Variants in C17orf99 observed in about 807,000 individuals in gnomAD.
The protein encoded by C17orf99 is protein IL-40.
Under a neutral mutation model 22.6 loss-of-function variants are expected in C17orf99, and 18 were observed. That is an observed-to-expected ratio of 0.80 (90% CI 0.55 to 1.18). The LOEUF (loss-of-function observed/expected upper bound fraction) is 1.18. C17orf99 is among the 50% of genes most tolerant of loss of function. The pLI is 0.00. For synonymous variants in C17orf99, 147 were observed against 136.6 expected (o/e 1.08, Z -0.53); for missense variants, 328 against 342.7 (o/e 0.96, Z 0.34).
At chr17:78,156,498 G>A (rs2075526456) in intron 2 of C17orf99, among the ~76,000 whole-genome samples, 1 of 152,110 alleles carries the variant, frequency 6.6e-6, no homozygotes, top group Admixed American at 6.6e-5. Flanking sequence ...GTGAAGGCCT[G>A]CTGGAATGCG....
At position 78,146,428 on chromosome 17, in the gene C17orf99, C is replaced by G; in HGVS notation, c.21C>G (p.Phe7Leu). Residue 7 changes from phenylalanine (F) to leucine (L), a missense_variant, in exon 1 of 5, where the codon TTC (phenylalanine) becomes TTG (leucine). By Grantham distance (22) the Phe-to-Leu change is conservative. Coordinates refer to ENST00000340363, the MANE Select transcript of C17orf99 (RefSeq NM_001163075.2). This position sits in a 1 kb window ranked among gnomAD's most constrained non-coding sequence, Gnocchi z 5.2. ...GAGGCATGGGGCTCCCTGGGCTGTTCTGCTTGGCCGTGCTGGGTGAGTCCA... is the reference window on the plus strand; with the variant it reads ...GAGGCATGGGGCTCCCTGGGCTGTTGTGCTTGGCCGTGCTGGGTGAGTCCA... MGLPGL[F>L]CLAVLAASSF... 6.5e-7 allele frequency: 1 copy of G among 1,550,314 alleles called. No individual in the cohort carries two copies. Among genetic ancestry groups the G allele is most frequent in the Non-Finnish European group, 8.7e-7 (1 of 1,146,826 alleles).
At chr17:78,164,574 C>T (rs747229066) in intron 4 of C17orf99, 1 of 1,530,458 alleles carries the variant, frequency 6.5e-7, no homozygotes, top group South Asian at 1.2e-5. Context: ...AGGAGGGTTG[C>T]CCAGGGCACC....
intron 2 of C17orf99, chr17:78,158,098 C>A (rs1567820156): frequency 5.2e-6 from 5 of 953,840 alleles, no homozygotes; most frequent in Non-Finnish European, 6.6e-6. Context: ...ATGAGGGAGA[C>A]CTTGGCAAAG....
At chr17:78,165,348 C>A in intron 4 of C17orf99, 1 of 985,670 alleles carries the variant, frequency 1.0e-6, no homozygotes, top group Non-Finnish European at 1.2e-6. Context: ...CTCACTTCTA[C>A]CAAGTCTGTT....
chr17:78,160,666 C>CGTA, intron 2 of C17orf99: 1 of 356,172 alleles, frequency 2.8e-6, no homozygotes, highest in Non-Finnish European at 5.1e-6. Flanking sequence ...CACCTGCCAC[C>CGTA]TCCGCCTTCC....
intron 2 of C17orf99, among the ~76,000 whole-genome samples, chr17:78,149,374 T>TG (rs2075461495): frequency 6.8e-6 from 1 of 146,494 alleles, no homozygotes; most frequent in Admixed American, 6.8e-5. Flanking sequence ...CGCCAGTCCT[T>TG]GGCCCATCTG....
intron 3 of C17orf99, among the ~76,000 whole-genome samples, chr17:78,162,539 G>T (rs2075586260): frequency 6.6e-6 from 1 of 152,090 alleles, no homozygotes; most frequent in East Asian, 1.9e-4. Flanking sequence ...GGGGAGATGA[G>T]CCCAGGATCT....
intron 3 of C17orf99, among the ~76,000 whole-genome samples, chr17:78,162,879 A>C (rs1451345543): frequency 1.3e-5 from 2 of 152,142 alleles, no homozygotes; most frequent in Non-Finnish European, 2.9e-5. Context: ...TCCGCCTCCC[A>C]GATTCAAGCG....
chr17:78,164,612 C>T (rs1253292971), intron 4 of C17orf99: 2 of 1,512,886 alleles, frequency 1.3e-6, no homozygotes, highest in Admixed American at 2.0e-5. Context: ...GCAGCCTTGC[C>T]TCCACTGCGG....
chr17:78,146,230 C>T, upstream of C17orf99: 1 of 565,588 alleles, frequency 1.8e-6, no homozygotes, highest in Non-Finnish European at 3.1e-6. The surrounding 1 kb of genome is among the most constrained non-coding windows in gnomAD (Gnocchi z 5.2). Context: ...CTGTACCGGG[C>T]CTGCCGGGGC....
At chr17:78,160,922 C>A in intron 2 of C17orf99, 33 bp from the exon 3 acceptor site, 2 of 1,524,076 alleles carry the variant, frequency 1.3e-6, no homozygotes, top group Non-Finnish European at 8.9e-7. Flanking sequence ...ATGTCGGTTT[C>A]TTTCTTCCTC....
chr17:78,152,751 G>A (rs989007395), intron 2 of C17orf99, among the ~76,000 whole-genome samples: 2 of 151,468 alleles, frequency 1.3e-5, no homozygotes, highest in African/African-American at 4.9e-5. Flanking sequence ...GGGATTATAG[G>A]AGTGAGCCAC....
In C17orf99 at chr17:78,165,870, T is replaced by C; in HGVS notation, c.641-19T>C. 1 of 1,308,874 alleles carries C rather than the reference T, an allele frequency of 7.6e-7. No individual in the cohort carries two copies. The highest frequency in any genetic ancestry group is 9.9e-7 in the Non-Finnish European group (1 of 1,014,016). The allele number at this position is 1,308,874 out of a possible 1,614,324, so 81.1% of individuals were successfully genotyped here. On this transcript the variant is annotated intron_variant, in intron 4 of 4. Transcript: ENST00000340363. ...GGGAGGTGAGCCTGCCTGACTTGAG[T>C]CTCCACTGCTTTGTCAAGGTGGTGA...
At position 78,157,864 on chromosome 17, in the gene C17orf99, C is replaced by T. The variant is rs527712755; in HGVS notation, c.71-3091C>T. 31 of 1,057,660 alleles carry T rather than the reference C, an allele frequency of 2.9e-5. No homozygotes were observed. The African/African-American group carries it at 3.6e-4, about 12-fold the overall frequency. 65.5% of individuals were successfully genotyped at this position (1,057,660 alleles called of 1,614,324 possible). On this transcript the variant is annotated intron_variant, in intron 2 of 4. Coordinates refer to ENST00000340363, the MANE Select transcript of C17orf99 (RefSeq NM_001163075.2). ...TACTCAAAGGCCGGCCACGTAAGAT[C>T]GTCGAGATGTCTACTTCGATGACTG...
At chr17:78,145,608 G>A (rs771471955), upstream of C17orf99, among the ~76,000 whole-genome samples, 1 of 152,104 alleles carries the variant, frequency 6.6e-6, no homozygotes, top group African/African-American at 2.4e-5. Context: ...ACCATCATGG[G>A]TGGGGCTGCC....
intron 3 of C17orf99, among the ~76,000 whole-genome samples, chr17:78,163,328 C>T (rs944696275): frequency 5.9e-5 from 9 of 152,178 alleles, no homozygotes; most frequent in Non-Finnish European, 1.2e-4. Flanking sequence ...GTGGTGATTA[C>T]TCATCAGTAA....
chr17:78,164,918 C>T, intron 4 of C17orf99: 2 of 1,162,488 alleles, frequency 1.7e-6, no homozygotes, highest in Non-Finnish European at 2.1e-6. Context: ...CCCTGTAACA[C>T]AGTCTGCTGG....
intron 2 of C17orf99, among the ~76,000 whole-genome samples, chr17:78,150,549 A>G (rs1401324272): frequency 6.6e-6 from 1 of 152,242 alleles, no homozygotes; most frequent in Non-Finnish European, 1.5e-5. Flanking sequence ...ATTGTAACCC[A>G]GAAGACAGAG....
chr17:78,160,060 T>C (rs924079586), intron 2 of C17orf99: 37 of 456,140 alleles, frequency 8.1e-5, no homozygotes, highest in Non-Finnish European at 1.5e-4. Flanking sequence ...AGTCCCTGTT[T>C]TCTATTATTT....
Sources: gnomAD v4.1 joint callset for allele counts (sites outside exome capture counted in the v4.1 genomes callset) on GRCh38, gnomAD v4.1.1 for gene constraint, Gnocchi (gnomAD v3.1) non-coding constraint, MANE v1.5 for transcripts, NCBI Gene and HGNC (gene_info 2026-07-23, HGNC 2026-07-21) for gene names.